The following NRXN3 variants were observed in gnomAD, a reference collection of about 807,000 sequenced individuals.
NRXN3 encodes neurexin 3.
Under a neutral mutation model 137.6 loss-of-function variants are expected in NRXN3, and 32 were observed. The ratio of observed to expected loss-of-function variants is 0.23; its 90% CI spans 0.18 to 0.31. The LOEUF (loss-of-function observed/expected upper bound fraction) is 0.31. NRXN3 is among the 10% of genes least tolerant of loss of function. The pLI, the probability that NRXN3 is intolerant of heterozygous loss-of-function variation, is 1.00. For missense variants in NRXN3, 1,574 were observed against 2,062.5 expected (o/e 0.76, Z 4.59); for synonymous variants, 798 against 784.5 (o/e 1.02, Z -0.29).
chr14:78,949,607 A>T lies in NRXN3; in HGVS notation c.2276-7635A>T, dbSNP rs915228313. Among the ~76,000 whole-genome samples, 13 of 132,562 alleles carry T rather than the reference A, an allele frequency of 9.8e-5. No individual in the cohort carries two copies. The South Asian group carries it at 2.1e-3, about 22-fold the overall frequency. The allele number at this position is 132,562 out of a possible 152,430, so 87.0% of individuals were successfully genotyped here. On this transcript the variant is annotated intron_variant, in intron 10 of 20. Coordinates refer to ENST00000335750, the MANE Select transcript of NRXN3 (RefSeq NM_001330195.2). ...ATAGAAGTGAATTTTTTTTTTTAAAAAAAAACTACAATACAAGGAATAGAG... is the reference window on the plus strand; with the variant it reads ...ATAGAAGTGAATTTTTTTTTTTAAATAAAAACTACAATACAAGGAATAGAG...
At chr14:78,188,412 A>T (rs1350841062) in intron 1 of NRXN3, among the ~76,000 whole-genome samples, 2 of 152,142 alleles carry the variant, frequency 1.3e-5, no homozygotes, top group African/African-American at 4.8e-5. Context: ...CATTAGGGAT[A>T]CAGTACTGTG....
intron 17 of NRXN3, among the ~76,000 whole-genome samples, chr14:79,690,903 G>A (rs2098714134): frequency 6.6e-6 from 1 of 151,992 alleles, no homozygotes; most frequent in Non-Finnish European, 1.5e-5. Context: ...AGAATTCTTT[G>A]TAAATTGTTT....
chr14:79,459,837 C>T (rs191506261), intron 15 of NRXN3, among the ~76,000 whole-genome samples: 48 of 152,002 alleles, frequency 3.2e-4, no homozygotes, highest in African/African-American at 8.4e-4. Flanking sequence ...AAACAATGAG[C>T]TTATGAAAAT....
intron 15 of NRXN3, among the ~76,000 whole-genome samples, chr14:79,209,467 T>C (rs1343405224): frequency 6.6e-6 from 1 of 152,182 alleles, no homozygotes; most frequent in African/African-American, 2.4e-5. Flanking sequence ...GAGTCATAAG[T>C]AAAGTTTCTA....
At chr14:79,415,320 G>T (rs2153522187) in intron 15 of NRXN3, among the ~76,000 whole-genome samples, 1 of 152,216 alleles carries the variant, frequency 6.6e-6, no homozygotes, top group East Asian at 1.9e-4. Flanking sequence ...TGAAAAAAAT[G>T]TGTCTGTACT....
chr14:79,132,990 C>G (rs1056808811), intron 15 of NRXN3, among the ~76,000 whole-genome samples: 1 of 152,198 alleles, frequency 6.6e-6, no homozygotes, highest in Non-Finnish European at 1.5e-5. Context: ...AGAGCATGAT[C>G]TTAGGCAAGA....
In NRXN3 at chr14:78,590,130, C is replaced by T. The variant is rs541435604; in HGVS notation, c.758-54990C>T. ...TCAGGCTATGAAGGGTCCTCTGCCA[C>T]GGTTAGGAGGTTTCTTTGTTGTTTT... On this transcript the variant is annotated intron_variant, in intron 4 of 20. Transcript: ENST00000335750. Among the ~76,000 whole-genome samples the T allele has an allele frequency of 4.9e-4, 74 of 152,288 alleles. 1 individual carries two copies. In the South Asian group the frequency reaches 8.3e-3, roughly 17 times the overall value.
At chr14:78,886,275 G>A (rs1256079210) in intron 10 of NRXN3, among the ~76,000 whole-genome samples, 1 of 151,930 alleles carries the variant, frequency 6.6e-6, no homozygotes, top group East Asian at 1.9e-4. Flanking sequence ...TAGTAAAGAA[G>A]CAATCAAATA....
At chr14:79,124,443 G>T (rs554401791) in intron 15 of NRXN3, among the ~76,000 whole-genome samples, 5 of 152,216 alleles carry the variant, frequency 3.3e-5, no homozygotes, top group African/African-American at 4.8e-5. Context: ...GATGGAAATT[G>T]GTTGAGAACA....
At chr14:78,595,279 T>C (rs1426422326) in intron 4 of NRXN3, among the ~76,000 whole-genome samples, 1 of 152,154 alleles carries the variant, frequency 6.6e-6, no homozygotes, top group Non-Finnish European at 1.5e-5. Flanking sequence ...TATGAAGCTT[T>C]AGGGAAGGCC....
intron 4 of NRXN3, among the ~76,000 whole-genome samples, chr14:78,515,917 A>G (rs763202406): frequency 6.6e-5 from 10 of 152,142 alleles, no homozygotes; most frequent in Non-Finnish European, 1.5e-4. Context: ...TAGAATCCAA[A>G]TTGGATGAGC....
At chr14:79,321,254 T>G (rs912399210) in intron 15 of NRXN3, among the ~76,000 whole-genome samples, 4 of 152,142 alleles carry the variant, frequency 2.6e-5, no homozygotes, top group Non-Finnish European at 4.4e-5. Flanking sequence ...AAAATGAGTT[T>G]GTTAGATTTC....
intron 15 of NRXN3, among the ~76,000 whole-genome samples, chr14:79,458,602 C>T (rs991028131): frequency 6.6e-6 from 1 of 152,076 alleles, no homozygotes; most frequent in Non-Finnish European, 1.5e-5. Context: ...TCCAGGAGCT[C>T]GTAGTAGAGA....
chr14:79,370,937 A>G (rs939239521), intron 15 of NRXN3, among the ~76,000 whole-genome samples: 6 of 152,138 alleles, frequency 3.9e-5, no homozygotes, highest in Admixed American at 2.6e-4. Flanking sequence ...ATGTTACTCT[A>G]TTTTATAGAA....
chr14:78,281,873 C>A (rs2153505402), intron 3 of NRXN3, among the ~76,000 whole-genome samples: 1 of 152,302 alleles, frequency 6.6e-6, no homozygotes, highest in East Asian at 1.9e-4. Context: ...CCAGACCCTG[C>A]CTTTCACATG....
intron 1 of NRXN3, among the ~76,000 whole-genome samples, chr14:78,187,319 G>A (rs1745377267): frequency 6.6e-6 from 1 of 151,930 alleles, no homozygotes; most frequent in South Asian, 2.1e-4. Flanking sequence ...AAGATGTGGA[G>A]GGAAAAGCAT....
chr14:78,778,770 TTCTTTC>T (rs1287111547), intron 8 of NRXN3, among the ~76,000 whole-genome samples: 14 of 67,296 alleles, frequency 2.1e-4, no homozygotes, highest in African/African-American at 9.5e-4. Flanking sequence ...CTTTCTTTCT[TTCTTTC>T]TTTCTTTCTT....
chr14:78,380,790 GT>G (rs55664650), intron 4 of NRXN3, among the ~76,000 whole-genome samples: 102,912 of 145,498 alleles, frequency 0.71, 36,459 homozygotes, highest in African/African-American at 0.8. Flanking sequence ...ATCTTATCAA[GT>G]TTTTTTTTTT....
chr14:78,535,352 A>G (rs903339702), intron 4 of NRXN3, among the ~76,000 whole-genome samples: 5 of 152,236 alleles, frequency 3.3e-5, no homozygotes, highest in African/African-American at 1.2e-4. Context: ...TTTTGATAAC[A>G]GGCACCTCCC....
Sources: gnomAD v4.1 joint callset for allele counts (sites outside exome capture counted in the v4.1 genomes callset) on GRCh38, gnomAD v4.1.1 for gene constraint, MANE v1.5 for transcripts, NCBI Gene and HGNC (gene_info 2026-07-23, HGNC 2026-07-21) for gene names.